C6orf89: variants seen among roughly 807,000 people sequenced by gnomAD.
C6orf89 encodes the protein chromosome 6 open reading frame 89.
Under a neutral mutation model 40.7 loss-of-function variants are expected in C6orf89, and 29 were observed. The observed-to-expected ratio is 0.71, with a 90% confidence interval of 0.53 to 0.97. C6orf89 has a LOEUF of 0.97. Among genes scored for constraint, C6orf89 ranks in the 50% least tolerant of loss-of-function variants. C6orf89 has a pLI of 0.00. For synonymous variants in C6orf89, 165 were observed against 152.2 expected (o/e 1.08, Z -0.62); for missense variants, 392 against 429.1 (o/e 0.91, Z 0.76).
chr6:36,894,384 A>G (rs1022452253), intron 1 of C6orf89, 120 bp from the exon 2 acceptor site: 4 of 213,758 alleles, frequency 1.9e-5, no homozygotes, highest in Non-Finnish European at 2.4e-5. Context: ...TATTATTCCT[A>G]CTTGCTTTCA....
intron 4 of C6orf89, among the ~76,000 whole-genome samples, chr6:36,911,935 C>CA (rs1263902427): frequency 3.4e-5 from 5 of 146,168 alleles, no homozygotes; most frequent in Admixed American, 6.8e-5. Context: ...AGTGAACCCC[C>CA]CCCCCCCGAC....
chr6:36,904,214 C>G (rs1329425060), intron 4 of C6orf89, among the ~76,000 whole-genome samples: 2 of 152,220 alleles, frequency 1.3e-5, no homozygotes, highest in Admixed American at 6.5e-5. Flanking sequence ...AGAAATGGGG[C>G]ATCGTCAATG....
At chr6:36,894,840 A>C (rs1189118625) in intron 2 of C6orf89, among the ~76,000 whole-genome samples, 1 of 152,178 alleles carries the variant, frequency 6.6e-6, no homozygotes, top group East Asian at 1.9e-4. Context: ...TCAGTTTCTA[A>C]TGAATTGAAT....
intron 2 of C6orf89, among the ~76,000 whole-genome samples, chr6:36,897,637 G>A (rs1224621519): frequency 2.6e-5 from 4 of 152,190 alleles, no homozygotes; most frequent in African/African-American, 9.7e-5. Flanking sequence ...CTGAGTTGAT[G>A]CCCAGGTATG....
intron 4 of C6orf89, among the ~76,000 whole-genome samples, chr6:36,902,837 A>G (rs9462240): frequency 0.25 from 37,840 of 152,130 alleles, 4,999 homozygotes; most frequent in African/African-American, 0.31. Flanking sequence ...TTGCTTCTAA[A>G]GGTCCTCTAA....
At chr6:36,908,524 A>G (rs879819774) in intron 4 of C6orf89, among the ~76,000 whole-genome samples, 1 of 152,226 alleles carries the variant, frequency 6.6e-6, no homozygotes, top group Non-Finnish European at 1.5e-5. Context: ...AGCAACTGCT[A>G]ATAATAACTT....
rs1433660478 is a variant in C6orf89, at chr6:36,927,876, C to T, written c.*4435C>T. 6.6e-6 allele frequency: 1 copy of T among 152,350 alleles called. No homozygotes were observed. Among genetic ancestry groups the T allele is most frequent in the Non-Finnish European group, 1.5e-5 (1 of 68,098 alleles). The allele number at this position is 152,350 out of a possible 1,614,324, so 9.4% of individuals were successfully genotyped here. Reference sequence around the variant, plus strand: ...TCTCCACATCCCCAGCAGCCTCTTCCAGAAGCATGTCAGGGAGACGGACAG... The same window carrying T: ...TCTCCACATCCCCAGCAGCCTCTTCTAGAAGCATGTCAGGGAGACGGACAG... On this transcript the variant is annotated 3_prime_UTR_variant, in exon 9 of 9. Transcript: ENST00000480824.
In C6orf89 at chr6:36,914,427, G is replaced by A; in HGVS notation, c.547G>A (p.Val183Met). The A allele has an allele frequency of 6.2e-7, 1 of 1,614,184 alleles. No homozygotes were observed. The highest frequency in any genetic ancestry group is 8.5e-7 in the Non-Finnish European group (1 of 1,180,020). ...GAAATTTGAGAGGCTCCATCCACTG[G>A]TGATCAAGGTGAGCAGAAGCCTGAG... is the stretch of plus-strand genomic sequence containing the variant. ...PRKFERLHPL[V>M]IKTGKPLLEE... Residue 183 changes from valine (V) to methionine (M), a missense_variant, in exon 5 of 9, where the codon GTG becomes ATG. Transcript: ENST00000480824.
chr6:36,899,660 G>C, intron 3 of C6orf89, 27 bp downstream of exon 3: 1 of 1,597,986 alleles, frequency 6.3e-7, no homozygotes, highest in Non-Finnish European at 8.6e-7. Flanking sequence ...GTTGGTAATT[G>C]CTTCAACAGA....
At chr6:36,914,159 C>G (rs941296967) in intron 4 of C6orf89, 125 bp from the exon 5 acceptor site, 2 of 955,676 alleles carry the variant, frequency 2.1e-6, no homozygotes, top group African/African-American at 1.7e-5. Flanking sequence ...GACTCTGTCT[C>G]AAAATAAATA....
chr6:36,927,453 T>A lies in C6orf89; in HGVS notation c.*4012T>A, dbSNP rs1762721698. 6.6e-6 allele frequency: 1 copy of A among 152,232 alleles called. No individual in the cohort carries two copies. Among genetic ancestry groups the A allele is most frequent in the Admixed American group, 6.5e-5 (1 of 15,288 alleles). The allele number at this position is 152,232 out of a possible 1,614,324, so 9.4% of individuals were successfully genotyped here. On this transcript the variant is annotated 3_prime_UTR_variant, in exon 9 of 9. Coordinates refer to ENST00000480824, the MANE Select transcript of C6orf89 (RefSeq NM_001286635.2). The stretch of plus-strand genomic sequence containing the variant: ...AGAAAGAGAGAGAAAGGCGCATGTC[T>A]GTTTGCACAGAGAGAGGCAATTTTG...
chr6:36,884,020 G>A (rs1774894748), upstream of C6orf89, among the ~76,000 whole-genome samples: 1 of 152,190 alleles, frequency 6.6e-6, no homozygotes, highest in Non-Finnish European at 1.5e-5. This position sits in a 1 kb window ranked among gnomAD's most constrained non-coding sequence, Gnocchi z 4.0. Context: ...TCAGCACTTT[G>A]GGAGGCAGAG....
chr6:36,872,993 G>A (rs548882538), intron 1 of C6orf89, among the ~76,000 whole-genome samples: 147 of 152,342 alleles, frequency 9.6e-4, no homozygotes, highest in African/African-American at 2.6e-3. Context: ...TATGAGGAGT[G>A]TGCTAGAAAA....
intron 1 of C6orf89, among the ~76,000 whole-genome samples, chr6:36,893,610 G>A (rs890288642): frequency 2.0e-5 from 3 of 152,112 alleles, no homozygotes; most frequent in Non-Finnish European, 4.4e-5. Flanking sequence ...TACAAACTGG[G>A]AGTTTAATAA....
At chr6:36,874,880 C>A in intron 1 of C6orf89, 3 of 1,300,524 alleles carry the variant, frequency 2.3e-6, no homozygotes, top group African/African-American at 1.5e-5. Context: ...CCTTTCGATA[C>A]CAGGATTTGG....
chr6:36,919,722 G>A (rs373540885), intron 8 of C6orf89, 21 bp downstream of exon 8: 2 of 1,582,494 alleles, frequency 1.3e-6, no homozygotes, highest in Non-Finnish European at 1.7e-6. Flanking sequence ...CCCCAGGAGG[G>A]CAGGGTCAAT....
chr6:36,889,264 G>A (rs890367239), intron 1 of C6orf89, among the ~76,000 whole-genome samples: 4 of 152,228 alleles, frequency 2.6e-5, no homozygotes, highest in Non-Finnish European at 4.4e-5. Context: ...CGAACTTGGC[G>A]TTTAGAAAGC....
At chr6:36,915,058 A>C (rs1762267104) in intron 6 of C6orf89, among the ~76,000 whole-genome samples, 1 of 152,168 alleles carries the variant, frequency 6.6e-6, no homozygotes. Context: ...AAATACCTGC[A>C]AAACAGTAAT....
intron 2 of C6orf89, among the ~76,000 whole-genome samples, chr6:36,898,425 A>ACC (rs1761532297): frequency 6.6e-6 from 1 of 151,446 alleles, no homozygotes; most frequent in Non-Finnish European, 1.5e-5. Flanking sequence ...GATTACAGGC[A>ACC]CCCGCCACCA....
Sources: gnomAD v4.1 joint callset for allele counts (sites outside exome capture counted in the v4.1 genomes callset) on GRCh38, gnomAD v4.1.1 for gene constraint, Gnocchi (gnomAD v3.1) non-coding constraint, MANE v1.5 for transcripts, NCBI Gene and HGNC (gene_info 2026-07-23, HGNC 2026-07-21) for gene names.